The following TAFA2 variants were observed in gnomAD, a reference collection of about 807,000 sequenced individuals.
The protein encoded by TAFA2 is chemokine-like protein TAFA-2.
A neutral mutation model predicts 18.8 loss-of-function variants in TAFA2; 7 were observed. That is an observed-to-expected ratio of 0.37 (90% confidence interval 0.21 to 0.70). The LOEUF is 0.70. TAFA2 is among the 30% of genes least tolerant of loss of function. The pLI is 0.53. For missense variants in TAFA2, 122 were observed against 158.1 expected (o/e 0.77, Z 1.23); for synonymous variants, 60 against 54.2 (o/e 1.11, Z -0.47).
At chr12:61,972,260 G>C (rs1879274611) in intron 1 of TAFA2, among the ~76,000 whole-genome samples, 1 of 145,972 alleles carries the variant, frequency 6.9e-6, no homozygotes. Context: ...CTAAATGTAA[G>C]AGACAAAACT....
chr12:62,097,955 A>G (rs1018660276), intron 1 of TAFA2, among the ~76,000 whole-genome samples: 2 of 152,198 alleles, frequency 1.3e-5, no homozygotes, highest in Non-Finnish European at 2.9e-5. Flanking sequence ...CCGGAAAACT[A>G]AAGTCTACAT....
chr12:61,794,863 G>C (rs969082398), intron 2 of TAFA2, among the ~76,000 whole-genome samples: 1 of 151,852 alleles, frequency 6.6e-6, no homozygotes, highest in Non-Finnish European at 1.5e-5. Flanking sequence ...AATCTACAAA[G>C]AAATCAAACA....
chr12:61,986,730 A>C (rs920163716), intron 1 of TAFA2, among the ~76,000 whole-genome samples: 1 of 152,166 alleles, frequency 6.6e-6, no homozygotes, highest in African/African-American at 2.4e-5. Context: ...AATTGCGTCA[A>C]GTTGCAACAA....
chr12:62,210,855 T>C (rs2062710250), intron 1 of TAFA2, among the ~76,000 whole-genome samples: 1 of 152,190 alleles, frequency 6.6e-6, no homozygotes, highest in Non-Finnish European at 1.5e-5. Context: ...AGAACGTATA[T>C]TGTCTTTTCA....
intron 1 of TAFA2, among the ~76,000 whole-genome samples, chr12:61,919,346 C>T (rs547871005): frequency 3.3e-3 from 509 of 152,300 alleles, no homozygotes; most frequent in Non-Finnish European, 5.6e-3. Flanking sequence ...ACTGCCATTT[C>T]TCTTGCTTAG....
intron 1 of TAFA2, among the ~76,000 whole-genome samples, chr12:62,213,434 A>G (rs1036435859): frequency 6.6e-6 from 1 of 152,078 alleles, no homozygotes; most frequent in African/African-American, 2.4e-5. Flanking sequence ...CATGAGGTCA[A>G]GAGATTGAGA....
intron 1 of TAFA2, among the ~76,000 whole-genome samples, chr12:62,133,516 G>C (rs1455046297): frequency 6.6e-6 from 1 of 152,024 alleles, no homozygotes. Context: ...AAAATAGAGA[G>C]GGAGATTTCC....
chr12:61,757,687 G>C lies in TAFA2; in HGVS notation c.107-2663C>G, dbSNP rs563806729. ...GGAAGACAGCAAGAAGACCGATAAGGAGCTGCACAAAAGGAAAAAGATAAA... is the reference window on the plus strand; with the variant it reads ...GGAAGACAGCAAGAAGACCGATAAGCAGCTGCACAAAAGGAAAAAGATAAA... On this transcript the variant is annotated intron_variant, in intron 2 of 4. Transcript: ENST00000416284. 3.3e-5 allele frequency among the ~76,000 whole-genome samples: 5 copies of C among 152,098 alleles called. No individual in the cohort carries two copies. The South Asian group carries it at 1.0e-3, about 32-fold the overall frequency.
intron 1 of TAFA2, among the ~76,000 whole-genome samples, chr12:62,243,039 G>A (rs929537515): frequency 6.6e-6 from 1 of 152,112 alleles, no homozygotes; most frequent in African/African-American, 2.4e-5. Context: ...AAATTGTTTG[G>A]AAAACTATAG....
intron 2 of TAFA2, among the ~76,000 whole-genome samples, chr12:61,853,915 A>G (rs928255566): frequency 9.9e-5 from 15 of 152,172 alleles, no homozygotes; most frequent in African/African-American, 3.6e-4. Flanking sequence ...TTCACCCCTC[A>G]GCTCTCCAAC....
intron 1 of TAFA2, among the ~76,000 whole-genome samples, chr12:61,886,142 TCTC>T (rs111917602): frequency 0.075 from 11,401 of 152,112 alleles, 1,075 homozygotes; most frequent in African/African-American, 0.21. Flanking sequence ...AGAGCTTTCT[TCTC>T]CTCTTTTAGG....
At chr12:61,768,694 A>G (rs1869894674) in intron 2 of TAFA2, among the ~76,000 whole-genome samples, 1 of 152,084 alleles carries the variant, frequency 6.6e-6, no homozygotes, top group Admixed American at 6.6e-5. Flanking sequence ...TCCCCAGGGA[A>G]GGCATTCCTG....
At chr12:61,755,153 A>C in intron 2 of TAFA2, 129 bp from the exon 3 acceptor site, 1 of 744,892 alleles carries the variant, frequency 1.3e-6, no homozygotes, top group Non-Finnish European at 2.1e-6. Flanking sequence ...CGAGAAATAC[A>C]ATGATGCTAA....
intron 2 of TAFA2, among the ~76,000 whole-genome samples, chr12:61,815,292 G>A (rs1312212957): frequency 6.6e-6 from 1 of 151,310 alleles, no homozygotes; most frequent in Non-Finnish European, 1.5e-5. Context: ...TTTGGCATGG[G>A]AGGAAAAAAG....
chr12:61,850,450 C>T lies in TAFA2; in HGVS notation c.106+16870G>A, dbSNP rs1271809204. ...TATCTGTACAGTATCCACTAAATAC[C>T]TGGAAACAAATACTTTTCAATTAAT... On this transcript the variant is annotated intron_variant, in intron 2 of 4. Transcript: ENST00000416284. Among the ~76,000 whole-genome samples, 2 of 151,554 alleles carry T rather than the reference C, an allele frequency of 1.3e-5. 1 individual carries two copies. The highest frequency in any genetic ancestry group is 4.8e-5 in the African/African-American group (2 of 41,290).
chr12:62,036,848 C>T (rs144535339), intron 1 of TAFA2, among the ~76,000 whole-genome samples: 183 of 152,312 alleles, frequency 1.2e-3, no homozygotes, highest in African/African-American at 4.3e-3. Context: ...CCTGGCTGTA[C>T]TAACTTGAGA....
At chr12:62,110,267 T>A (rs1048058885) in intron 1 of TAFA2, among the ~76,000 whole-genome samples, 6 of 152,206 alleles carry the variant, frequency 3.9e-5, no homozygotes, top group African/African-American at 1.4e-4. Flanking sequence ...TCTGTTTATA[T>A]AATGGATTCT....
At chr12:62,173,758 C>A (rs1217426877) in intron 1 of TAFA2, among the ~76,000 whole-genome samples, 1 of 152,114 alleles carries the variant, frequency 6.6e-6, no homozygotes, top group Non-Finnish European at 1.5e-5. Context: ...TTTAACAATT[C>A]TTAGTCTTTG....
intron 1 of TAFA2, among the ~76,000 whole-genome samples, chr12:62,054,506 TG>T (rs1259465147): frequency 1.3e-5 from 2 of 152,208 alleles, no homozygotes; most frequent in South Asian, 2.1e-4. Flanking sequence ...TAAGCTTTAG[TG>T]AACTGTAACT....
Sources: gnomAD v4.1 joint callset for allele counts (sites outside exome capture counted in the v4.1 genomes callset) on GRCh38, gnomAD v4.1.1 for gene constraint, MANE v1.5 for transcripts, NCBI Gene and HGNC (gene_info 2026-07-23, HGNC 2026-07-21) for gene names.